Variants in UMAD1 observed in about 807,000 individuals in gnomAD.
The protein encoded by UMAD1 is UBAP1-MVB12-associated (UMA) domain containing 1.
Under a neutral mutation model 6.1 loss-of-function variants are expected in UMAD1, and 8 were observed. The observed-to-expected ratio is 1.30, with a 90% CI of 0.76 to 2.35. The LOEUF (loss-of-function observed/expected upper bound fraction) is 2.35, where lower values mean the gene tolerates loss of function less well. Ranked by LOEUF, UMAD1 falls within the 30% of genes most tolerant of loss-of-function variation. UMAD1 has a pLI of 0.00. For synonymous variants in UMAD1, 56 were observed against 31.4 expected, an observed-to-expected ratio of 1.78 and a Z score of -2.61; for missense variants, 130 against 78.4, an observed-to-expected ratio of 1.66 and a Z score of -2.49.
intron 2 of UMAD1, among the ~76,000 whole-genome samples, chr7:7,724,088 C>G (rs1781097501): frequency 1.3e-5 from 2 of 152,140 alleles, no homozygotes; most frequent in Non-Finnish European, 2.9e-5. Flanking sequence ...CATTATACTA[C>G]CGACAATTTA....
intron 3 of UMAD1, among the ~76,000 whole-genome samples, chr7:7,831,636 G>T (rs1783469175): frequency 6.6e-6 from 1 of 152,280 alleles, no homozygotes; most frequent in African/African-American, 2.4e-5. Context: ...GCCCGGAACT[G>T]GGAGCCCTGA....
At chr7:7,719,823 TA>T (rs1290467487) in intron 2 of UMAD1, among the ~76,000 whole-genome samples, 1 of 152,258 alleles carries the variant, frequency 6.6e-6, no homozygotes, top group Non-Finnish European at 1.5e-5. Flanking sequence ...TTAAAATAAT[TA>T]AATTGTCTAG....
At chr7:7,760,412 A>T (rs990111678) in intron 2 of UMAD1, among the ~76,000 whole-genome samples, 3 of 142,704 alleles carry the variant, frequency 2.1e-5, no homozygotes, top group Admixed American at 7.0e-5. Flanking sequence ...AAAAAATACA[A>T]AATAATAATA....
At chr7:7,763,966 A>G (rs1312380106) in intron 2 of UMAD1, among the ~76,000 whole-genome samples, 2 of 152,248 alleles carry the variant, frequency 1.3e-5, no homozygotes, top group African/African-American at 4.8e-5. Flanking sequence ...CTCAAATAGC[A>G]GTAGAAAAGA....
chr7:7,694,221 T>C (rs28912710), intron 2 of UMAD1, among the ~76,000 whole-genome samples: 11 of 152,176 alleles, frequency 7.2e-5, no homozygotes. Flanking sequence ...CTTGTACTTA[T>C]TGGTAACTTT....
chr7:7,803,342 G>A (rs551594751), intron 3 of UMAD1, among the ~76,000 whole-genome samples: 1 of 152,292 alleles, frequency 6.6e-6, no homozygotes, highest in East Asian at 1.9e-4. Context: ...GAGTGTGGTG[G>A]CACATGCCTG....
intron 1 of UMAD1, among the ~76,000 whole-genome samples, chr7:7,668,183 G>A (rs1372304238): frequency 6.6e-6 from 1 of 152,134 alleles, no homozygotes; most frequent in Non-Finnish European, 1.5e-5. Flanking sequence ...AAAGTGCTGG[G>A]ATTACAGGTG....
At chr7:7,690,683 C>A (rs1780152931) in intron 2 of UMAD1, among the ~76,000 whole-genome samples, 1 of 151,936 alleles carries the variant, frequency 6.6e-6, no homozygotes, top group Non-Finnish European at 1.5e-5. Context: ...TATCTAAATT[C>A]TTTTGTTTTT....
At chr7:7,864,230 C>CTATGGTA (rs1784181691) in intron 3 of UMAD1, among the ~76,000 whole-genome samples, 1 of 152,142 alleles carries the variant, frequency 6.6e-6, no homozygotes, top group Non-Finnish European at 1.5e-5. Flanking sequence ...AGTTAAGTTG[C>CTATGGTA]TATGGTATAT....
chr7:7,815,461 G>A (rs971217246), intron 3 of UMAD1, among the ~76,000 whole-genome samples: 6 of 152,112 alleles, frequency 3.9e-5, no homozygotes, highest in African/African-American at 1.2e-4. Flanking sequence ...ACAGTAAAAG[G>A]CAGGGGTTTA....
chr7:7,821,469 T>C (rs1290602824), intron 3 of UMAD1, among the ~76,000 whole-genome samples: 1 of 152,236 alleles, frequency 6.6e-6, no homozygotes, highest in East Asian at 1.9e-4. Flanking sequence ...AAATTATATG[T>C]GTTTCACCTC....
intron 2 of UMAD1, among the ~76,000 whole-genome samples, chr7:7,751,106 A>G (rs1464899565): frequency 6.6e-6 from 1 of 152,064 alleles, no homozygotes; most frequent in Non-Finnish European, 1.5e-5. Context: ...TAGCTGAGCA[A>G]TGTGAATATA....
chr7:7,700,200 C>T lies in UMAD1; in HGVS notation c.82+26747C>T, dbSNP rs575744255. 7.2e-5 allele frequency among the ~76,000 whole-genome samples: 11 copies of T among 152,272 alleles called. No individual in the cohort carries two copies. The East Asian group carries it at 2.1e-3, about 29-fold the overall frequency. ...AAATAGGCAGTCTGGTGAGGGCCTT[C>T]TTTCTGTTCATAGATGGCACTTTCT... is the stretch of plus-strand genomic sequence containing the variant. On this transcript the variant is annotated intron_variant, in intron 2 of 3. Transcript: ENST00000682710.
chr7:7,709,908 C>G (rs1014954169), intron 2 of UMAD1, among the ~76,000 whole-genome samples: 7 of 152,076 alleles, frequency 4.6e-5, no homozygotes, highest in African/African-American at 1.7e-4. Flanking sequence ...TCTCCTTACT[C>G]CCACCTCAGA....
intron 2 of UMAD1, among the ~76,000 whole-genome samples, chr7:7,723,689 C>G (rs1362765905): frequency 1.3e-5 from 2 of 152,188 alleles, no homozygotes; most frequent in Non-Finnish European, 2.9e-5. Context: ...ACCATAGTCA[C>G]TCAACTACAA....
At chr7:7,711,102 A>G (rs1429577996) in intron 2 of UMAD1, among the ~76,000 whole-genome samples, 2 of 152,196 alleles carry the variant, frequency 1.3e-5, no homozygotes, top group Non-Finnish European at 1.5e-5. Flanking sequence ...TCTGGTGGTT[A>G]TGGAGATGTT....
chr7:7,707,354 C>T (rs557070284), intron 2 of UMAD1, among the ~76,000 whole-genome samples: 2 of 152,124 alleles, frequency 1.3e-5, no homozygotes, highest in Non-Finnish European at 2.9e-5. Flanking sequence ...AACTACGGTA[C>T]TTTTTGCTTG....
chr7:7,836,357 GT>G (rs1163186636), intron 3 of UMAD1, among the ~76,000 whole-genome samples: 3 of 151,900 alleles, frequency 2.0e-5, no homozygotes, highest in Non-Finnish European at 2.9e-5. Context: ...ATAATCTTTG[GT>G]TTGCTCAAAA....
At chr7:7,754,428 T>A (rs77906123) in intron 2 of UMAD1, among the ~76,000 whole-genome samples, 8,482 of 152,306 alleles carry the variant, frequency 0.056, 313 homozygotes, top group South Asian at 0.089. Context: ...CTAATCAAAT[T>A]GTTTGCCCAT....
Sources: allele counts gnomAD v4.1 joint callset (sites outside exome capture counted in the v4.1 genomes callset), GRCh38; gene constraint gnomAD v4.1.1; transcripts MANE v1.5; gene names NCBI Gene and HGNC (gene_info 2026-07-23, HGNC 2026-07-21).